The following TSHZ2 variants were observed in gnomAD, a reference collection of about 807,000 sequenced individuals.
TSHZ2 encodes teashirt zinc finger homeobox 2, also known as teashirt homolog 2.
A neutral mutation model predicts 74.4 loss-of-function variants in TSHZ2; 21 were observed. That is an observed-to-expected ratio of 0.28 (90% CI 0.20 to 0.41). The LOEUF (loss-of-function observed/expected upper bound fraction) is 0.41. Ranked by LOEUF, TSHZ2 falls within the 10% of genes least tolerant of loss-of-function variation. The probability of loss-of-function intolerance (pLI) is 1.00; values close to 1 mark genes in which losing one functional copy is unlikely to be tolerated. For missense variants in TSHZ2, 1,244 were observed against 1,293.5 expected (o/e 0.96, Z 0.59); for synonymous variants, 540 against 515.3 (o/e 1.05, Z -0.65).
intron 2 of TSHZ2, among the ~76,000 whole-genome samples, chr20:53,357,843 C>G (rs1980902017): frequency 6.6e-6 from 1 of 152,116 alleles, no homozygotes; most frequent in Non-Finnish European, 1.5e-5. Flanking sequence ...AGTGTGACCC[C>G]ACAAGGAGAC....
intron 1 of TSHZ2, among the ~76,000 whole-genome samples, chr20:53,144,911 T>G (rs1292853667): frequency 1.3e-5 from 2 of 152,012 alleles, no homozygotes; most frequent in African/African-American, 2.4e-5. Context: ...TTTTAAAACT[T>G]TCTCTTCAAA....
At chr20:53,060,805 C>T (rs552031593) in intron 1 of TSHZ2, among the ~76,000 whole-genome samples, 1 of 152,272 alleles carries the variant, frequency 6.6e-6, no homozygotes, top group Admixed American at 6.5e-5. Flanking sequence ...AAAACCCCAT[C>T]AAAACCGTGG....
intron 1 of TSHZ2, among the ~76,000 whole-genome samples, chr20:53,094,240 T>C (rs1407865344): frequency 6.6e-6 from 1 of 152,232 alleles, no homozygotes; most frequent in Non-Finnish European, 1.5e-5. Flanking sequence ...ACTACTGTAC[T>C]AAGTCATAAA....
intron 2 of TSHZ2, among the ~76,000 whole-genome samples, chr20:53,334,877 T>C (rs1979882232): frequency 1.3e-5 from 2 of 151,900 alleles, no homozygotes; most frequent in Non-Finnish European, 2.9e-5. Context: ...AGAGACTGGG[T>C]TTCACCATAT....
intron 2 of TSHZ2, among the ~76,000 whole-genome samples, chr20:53,380,663 G>C (rs1292781966): frequency 6.6e-6 from 1 of 152,164 alleles, no homozygotes; most frequent in Non-Finnish European, 1.5e-5. Context: ...TTCAAGTTCA[G>C]ATTATCCCAG....
intron 2 of TSHZ2, among the ~76,000 whole-genome samples, chr20:53,453,371 G>A (rs1039469401): frequency 6.6e-6 from 1 of 152,142 alleles, no homozygotes; most frequent in African/African-American, 2.4e-5. Flanking sequence ...AATAACATGT[G>A]CTCTCAAATA....
rs142833954 is a variant in TSHZ2, at chr20:53,249,075, G to A, written c.41-4424G>A. Among the ~76,000 whole-genome samples the A allele has an allele frequency of 1.3e-4, 20 of 151,912 alleles. 1 individual carries two copies. The East Asian group carries it at 3.3e-3, about 25-fold the overall frequency. On this transcript the variant is annotated intron_variant, in intron 1 of 2. Coordinates refer to ENST00000371497, the MANE Select transcript of TSHZ2 (RefSeq NM_173485.6). ...AGGCTGGTCTTGAACTCCTGACCTCGGGTGATCTGCCTGCCTCAGCCTCCC... is the reference window on the plus strand; with the variant it reads ...AGGCTGGTCTTGAACTCCTGACCTCAGGTGATCTGCCTGCCTCAGCCTCCC...
chr20:53,217,512 C>T (rs1989464241), intron 1 of TSHZ2, among the ~76,000 whole-genome samples: 1 of 152,142 alleles, frequency 6.6e-6, no homozygotes, highest in African/African-American at 2.4e-5. Context: ...TTGCCAGGGG[C>T]TGCAAACCCA....
intron 1 of TSHZ2, among the ~76,000 whole-genome samples, chr20:53,045,786 A>G (rs1449771595): frequency 6.6e-6 from 1 of 152,170 alleles, no homozygotes; most frequent in Non-Finnish European, 1.5e-5. Flanking sequence ...ATAAGAGAAA[A>G]TCCATATAAA....
intron 1 of TSHZ2, among the ~76,000 whole-genome samples, chr20:53,082,179 C>T (rs757404696): frequency 9.2e-5 from 14 of 152,190 alleles, no homozygotes; most frequent in Non-Finnish European, 2.1e-4. Flanking sequence ...GGCCTTCACT[C>T]AAGATGACCC....
At chr20:53,249,599 T>C (rs1407409920) in intron 1 of TSHZ2, among the ~76,000 whole-genome samples, 2 of 152,072 alleles carry the variant, frequency 1.3e-5, no homozygotes, top group Admixed American at 6.5e-5. Context: ...ACCTGCTATG[T>C]GATGGTGCAG....
Position 53,493,587 on chromosome 20 carries a change from T to C in TSHZ2, c.*6452T>C, listed in dbSNP as rs1986504132. ...CTCCTTATTTATTCGGTTGCTGTTG[T>C]AATGGGGCCCCAGGCCATTCCTGAC... On this transcript the variant is annotated 3_prime_UTR_variant, in exon 3 of 3. Coordinates refer to ENST00000371497, the MANE Select transcript of TSHZ2 (RefSeq NM_173485.6). 1 of 152,250 alleles carries C rather than the reference T, an allele frequency of 6.6e-6. No individual in the cohort carries two copies. Among genetic ancestry groups the C allele is most frequent in the Non-Finnish European group, 1.5e-5 (1 of 68,050 alleles). 9.4% of individuals were successfully genotyped at this position (152,250 alleles called of 1,614,324 possible).
rs1281378331 is a variant in TSHZ2, at chr20:52,973,092, G to C, written c.-202G>C. 16 of 564,164 alleles carry C rather than the reference G, an allele frequency of 2.8e-5. No homozygotes were observed. In the South Asian group the frequency reaches 3.2e-4, roughly 11 times the overall value. The allele number at this position is 564,164 out of a possible 1,614,324, so 34.9% of individuals were successfully genotyped here. On this transcript the variant is annotated 5_prime_UTR_variant, in exon 1 of 3. Coordinates refer to ENST00000371497, the MANE Select transcript of TSHZ2 (RefSeq NM_173485.6). ...TCAAAGCAGCCGGCACAAGCCACCC[G>C]TGTCTGCCACCCAGAGAGGGGGGTC...
chr20:53,030,116 T>C (rs918864805), intron 1 of TSHZ2, among the ~76,000 whole-genome samples: 1 of 151,876 alleles, frequency 6.6e-6, no homozygotes, highest in African/African-American at 2.4e-5. Flanking sequence ...TCCCATCTTA[T>C]CACTGAGGCA....
At chr20:53,417,328 G>A (rs902260746) in intron 2 of TSHZ2, among the ~76,000 whole-genome samples, 8 of 148,826 alleles carry the variant, frequency 5.4e-5, no homozygotes, top group East Asian at 2.0e-4. Flanking sequence ...AAGGGGTCTC[G>A]CTCTGTCACC....
intron 1 of TSHZ2, among the ~76,000 whole-genome samples, chr20:53,034,519 C>T (rs771550329): frequency 8.5e-5 from 13 of 152,098 alleles, no homozygotes; most frequent in Non-Finnish European, 1.3e-4. Flanking sequence ...CAATAAATAA[C>T]CATGATGACT....
chr20:53,362,548 T>C (rs1200992108), intron 2 of TSHZ2, among the ~76,000 whole-genome samples: 1 of 152,202 alleles, frequency 6.6e-6, no homozygotes, highest in Non-Finnish European at 1.5e-5. Context: ...GAGGGAAGAC[T>C]GTACTTCGTT....
At chr20:53,406,484 CCAGCTTAACCT>C (rs61198437) in intron 2 of TSHZ2, among the ~76,000 whole-genome samples, 16,615 of 151,998 alleles carry the variant, frequency 0.11, 2,327 homozygotes, top group African/African-American at 0.32. Flanking sequence ...AGCAAAGGAA[CCAGCTTAACCT>C]CAGCTTGACC....
At chr20:53,075,450 G>A (rs76431193) in intron 1 of TSHZ2, among the ~76,000 whole-genome samples, 18,377 of 152,190 alleles carry the variant, frequency 0.12, 1,409 homozygotes, top group East Asian at 0.36. Context: ...ATAGGGACAC[G>A]AAGGGGATTT....
Sources: gnomAD v4.1 joint callset for allele counts (sites outside exome capture counted in the v4.1 genomes callset) on GRCh38, gnomAD v4.1.1 for gene constraint, MANE v1.5 for transcripts, NCBI Gene and HGNC (gene_info 2026-07-23, HGNC 2026-07-21) for gene names.